RXRA: variants seen among roughly 807,000 people sequenced by gnomAD.
The protein encoded by RXRA is retinoic acid receptor RXR-alpha.
Under a neutral mutation model 44.5 loss-of-function variants are expected in RXRA, and 5 were observed. That is an observed-to-expected ratio of 0.11 (90% CI 0.06 to 0.24). The LOEUF (loss-of-function observed/expected upper bound fraction) is 0.24. RXRA is among the 10% of genes least tolerant of loss of function. RXRA has a pLI of 1.00. For missense variants in RXRA, 412 were observed against 646.5 expected (o/e 0.64, Z 3.93); for synonymous variants, 291 against 271.4 (o/e 1.07, Z -0.71).
chr9:134,340,336 C>T (rs1830071439), intron 1 of RXRA, among the ~76,000 whole-genome samples: 1 of 152,172 alleles, frequency 6.6e-6, no homozygotes, highest in Non-Finnish European at 1.5e-5. Flanking sequence ...TCTAGAAAGA[C>T]TTTGGCCATC....
rs1185425191 is a variant in RXRA at position 134,436,695 on chromosome 9, T to TC, written c.*84dup. 1 of 1,537,260 alleles carries TC rather than the reference T, an allele frequency of 6.5e-7. No individual in the cohort carries two copies. On this transcript the variant is annotated 3_prime_UTR_variant, in exon 10 of 10. Coordinates refer to ENST00000481739, the MANE Select transcript of RXRA (RefSeq NM_002957.6). ...GCTGTTCTTCTCAGCCTGAGCCCTG[T>TC]CCCTGCCCTTCTCTGCCTGGCCTGT...
intron 1 of RXRA, among the ~76,000 whole-genome samples, chr9:134,380,546 G>A (rs1295942058): frequency 1.3e-5 from 2 of 152,056 alleles, no homozygotes; most frequent in Non-Finnish European, 2.9e-5. Flanking sequence ...CGGGCCCCTC[G>A]GTGTGATGGT....
intron 1 of RXRA, among the ~76,000 whole-genome samples, chr9:134,341,968 C>G (rs1830091483): frequency 6.6e-6 from 1 of 152,146 alleles, no homozygotes; most frequent in African/African-American, 2.4e-5. Flanking sequence ...TGCTGAGGGT[C>G]CGCTGTGCTC....
intron 1 of RXRA, among the ~76,000 whole-genome samples, chr9:134,341,969 C>T (rs551028907): frequency 1.1e-4 from 17 of 152,128 alleles, no homozygotes; most frequent in Non-Finnish European, 2.1e-4. Flanking sequence ...GCTGAGGGTC[C>T]GCTGTGCTCC....
chr9:134,435,410 C>T (rs1247641092), intron 9 of RXRA, among the ~76,000 whole-genome samples: 1 of 137,732 alleles, frequency 7.3e-6, no homozygotes, highest in Non-Finnish European at 1.6e-5. Flanking sequence ...CCCACTGGTC[C>T]CTGCCCCAGG....
In RXRA at chr9:134,398,854, T is replaced by G. The variant is rs1439277024; in HGVS notation, c.29-2778T>G. The stretch of plus-strand genomic sequence containing the variant: ...GCCATTCCAAGGCCCGGCTTCTGAA[T>G]GCAGTGCTGAGGTTTGGGCTCCCTG... On this transcript the variant is annotated intron_variant, in intron 1 of 9. Coordinates refer to ENST00000481739, the MANE Select transcript of RXRA (RefSeq NM_002957.6). 3.3e-5 allele frequency among the ~76,000 whole-genome samples: 5 copies of G among 152,380 alleles called. No individual in the cohort carries two copies. In the South Asian group the frequency reaches 8.3e-4, roughly 25 times the overall value.
Position 134,426,993 on chromosome 9 carries a change from C to T in RXRA, c.911-2115C>T, listed in dbSNP as rs774870407. On this transcript the variant is annotated intron_variant, in intron 6 of 9. Coordinates refer to ENST00000481739, the MANE Select transcript of RXRA (RefSeq NM_002957.6). The surrounding 1 kb of genome is among the most constrained non-coding windows in gnomAD (Gnocchi z 4.6). ...GCCTGGGAAAACCTGACGGGCTGAG[C>T]CGTAGGAGGGGCAGGAGTGGGAGTG... 97 of 984,962 alleles carry T rather than the reference C, an allele frequency of 9.8e-5. No individual in the cohort carries two copies. The highest frequency in any genetic ancestry group is 1.2e-4 in the Non-Finnish European group (97 of 829,716). The allele number at this position is 984,962 out of a possible 1,614,324, so 61.0% of individuals were successfully genotyped here. A position where few individuals can be genotyped will look rare whatever the true frequency, so the allele number is the denominator to read the frequency against.
At position 134,426,040 on chromosome 9, in the gene RXRA, G is replaced by A. The variant is rs1377214704; in HGVS notation, c.911-3068G>A. ...CCAGGGGTCCTGCAACCCCAGCAGA[G>A]GCCCTGAGCGTTTGGGCAGGGCCAC... is the stretch of plus-strand genomic sequence containing the variant. On this transcript the variant is annotated intron_variant, in intron 6 of 9. Transcript: ENST00000481739. The surrounding 1 kb of genome is among the most constrained non-coding windows in gnomAD (Gnocchi z 4.6). 1.0e-6 allele frequency: 1 copy of A among 985,306 alleles called. No individual in the cohort carries two copies. Among genetic ancestry groups the A allele is most frequent in the Non-Finnish European group, 1.2e-6 (1 of 829,940 alleles). 61.0% of individuals were successfully genotyped at this position (985,306 alleles called of 1,614,324 possible). A position where few individuals can be genotyped will look rare whatever the true frequency, so the allele number is the denominator to read the frequency against.
chr9:134,398,010 G>T (rs939228317), intron 1 of RXRA, among the ~76,000 whole-genome samples: 7 of 151,774 alleles, frequency 4.6e-5, no homozygotes, highest in African/African-American at 1.7e-4. Context: ...GCAGAGTTTC[G>T]CTTTTGTCAC....
intron 1 of RXRA, among the ~76,000 whole-genome samples, chr9:134,389,284 C>T (rs1462425936): frequency 6.6e-6 from 1 of 152,202 alleles, no homozygotes; most frequent in Non-Finnish European, 1.5e-5. Context: ...TGGGCGCTGG[C>T]TTTGGTCACC....
chr9:134,373,443 C>A (rs1169650631), intron 1 of RXRA, among the ~76,000 whole-genome samples: 1 of 152,180 alleles, frequency 6.6e-6, no homozygotes, highest in African/African-American at 2.4e-5. Context: ...TTTCCCAGGC[C>A]GTTGGCCCAT....
intron 1 of RXRA, among the ~76,000 whole-genome samples, chr9:134,396,510 G>T (rs550063128): frequency 1.7e-4 from 26 of 152,154 alleles, no homozygotes; most frequent in African/African-American, 6.3e-4. Context: ...TTTCAGTTCC[G>T]GGCGGGGGGG....
chr9:134,350,080 G>C (rs1181590318), intron 1 of RXRA, among the ~76,000 whole-genome samples: 1 of 152,018 alleles, frequency 6.6e-6, no homozygotes, highest in South Asian at 2.1e-4. Context: ...GTGTGTAGGG[G>C]GGGGTGGAAG....
intron 9 of RXRA, among the ~76,000 whole-genome samples, chr9:134,434,870 G>GT (rs1375037110): frequency 2.7e-5 from 4 of 150,314 alleles, no homozygotes; most frequent in Non-Finnish European, 4.4e-5. Context: ...GCGGGGAGGG[G>GT]GTCGGGGGAG....
At position 134,374,617 on chromosome 9, in the gene RXRA, C is replaced by T. The variant is rs149992095; in HGVS notation, c.29-27015C>T. 7.4e-3 allele frequency among the ~76,000 whole-genome samples: 1,129 copies of T among 152,374 alleles called. 17 individuals carry two copies. The highest frequency in any genetic ancestry group is 0.026 in the African/African-American group (1,073 of 41,590). On this transcript the variant is annotated intron_variant, in intron 1 of 9. Coordinates refer to ENST00000481739, the MANE Select transcript of RXRA (RefSeq NM_002957.6). ...CACATGTTGAGCCCCGAGCAAATGC[C>T]GTTCCCTCTGTCTACCCAGAGAATG...
intron 6 of RXRA, chr9:134,422,668 C>T (rs1831367705): frequency 2.0e-6 from 2 of 984,652 alleles, no homozygotes; most frequent in Non-Finnish European, 2.4e-6. Context: ...CCGGACACTC[C>T]CCACTCCCGG....
In RXRA at chr9:134,379,531, G is replaced by A. The variant is rs373210159; in HGVS notation, c.29-22101G>A. ...TCTGTGGCAGGCACTGCCAGTGGCC[G>A]TGGCCCAGGGTCTTGGTGGCTCGGC... On this transcript the variant is annotated intron_variant, in intron 1 of 9. Coordinates refer to ENST00000481739, the MANE Select transcript of RXRA (RefSeq NM_002957.6). 4.0e-4 allele frequency: 392 copies of A among 985,966 alleles called. 2 individuals are homozygous for A. The East Asian group carries it at 0.034, about 85-fold the overall frequency. 61.1% of individuals were successfully genotyped at this position (985,966 alleles called of 1,614,324 possible).
chr9:134,398,504 C>T (rs1830913379), intron 1 of RXRA, among the ~76,000 whole-genome samples: 1 of 152,228 alleles, frequency 6.6e-6, no homozygotes, highest in African/African-American at 2.4e-5. Context: ...TATTGTCACC[C>T]AGGCTCTGGG....
intron 2 of RXRA, among the ~76,000 whole-genome samples, chr9:134,406,756 G>T (rs1174307031): frequency 1.3e-5 from 2 of 152,246 alleles, no homozygotes; most frequent in African/African-American, 4.8e-5. Flanking sequence ...GCCAGCCCCT[G>T]ACCTCCCTGA....
Sources: gnomAD v4.1 joint callset for allele counts (sites outside exome capture counted in the v4.1 genomes callset) on GRCh38, gnomAD v4.1.1 for gene constraint, Gnocchi (gnomAD v3.1) non-coding constraint, MANE v1.5 for transcripts, NCBI Gene and HGNC (gene_info 2026-07-23, HGNC 2026-07-21) for gene names.